The following PHACTR3 variants were observed in gnomAD, a reference collection of about 807,000 sequenced individuals.
PHACTR3 encodes phosphatase and actin regulator 3.
PHACTR3 carries 16 observed loss-of-function variants against 66.8 expected under a neutral mutation model. That is an observed-to-expected ratio of 0.24 (90% CI 0.16 to 0.36). The LOEUF is 0.36. Among genes scored for constraint, PHACTR3 ranks in the 10% least tolerant of loss-of-function variants. PHACTR3 has a pLI of 1.00. For synonymous variants in PHACTR3, 323 were observed against 292.1 expected, an observed-to-expected ratio of 1.11 and a Z score of -1.08; for missense variants, 647 against 719.9, an observed-to-expected ratio of 0.90 and a Z score of 1.16.
chr20:59,744,592 C>T (rs942509188), intron 2 of PHACTR3, among the ~76,000 whole-genome samples: 21 of 152,202 alleles, frequency 1.4e-4, no homozygotes, highest in African/African-American at 4.6e-4. Context: ...GGTGTTACAG[C>T]GCCCAGGCCC....
Position 59,806,654 on chromosome 20 carries a change from A to AC in PHACTR3, c.1328+467dup, listed in dbSNP as rs556904948. 1.1e-4 allele frequency among the ~76,000 whole-genome samples: 17 copies of AC among 151,658 alleles called. No individual in the cohort carries two copies. In the East Asian group the frequency reaches 1.2e-3, roughly 10 times the overall value. On this transcript the variant is annotated intron_variant, in intron 8 of 12. Coordinates refer to ENST00000371015, the MANE Select transcript of PHACTR3 (RefSeq NM_080672.5). ...TCTTCTAAATTTGTCAAGTAAAGCT[A>AC]CCCCCCCACCCACATACACACAGTT...
At chr20:59,773,188 G>A (rs114641057) in intron 5 of PHACTR3, 91 bp from the exon 6 acceptor site, 149 of 1,432,528 alleles carry the variant, frequency 1.0e-4, no homozygotes, top group Non-Finnish European at 1.3e-4. Flanking sequence ...GCAGGGGAGC[G>A]TCCTTTCCGC....
In PHACTR3 at chr20:59,752,433, C is replaced by G. The variant is rs531277282; in HGVS notation, c.359-2749C>G. Among the ~76,000 whole-genome samples the G allele has an allele frequency of 2.6e-5, 4 of 152,290 alleles. No individual in the cohort carries two copies. The East Asian group carries it at 5.8e-4, about 22-fold the overall frequency. ...AGAGGAGCAGGGCCTGGGCTCCCAC[C>G]GCTCCCCCAACCCCTCCCCAACCAG... On this transcript the variant is annotated intron_variant, in intron 3 of 12. Transcript: ENST00000371015.
In PHACTR3 at chr20:59,786,061, G is replaced by A. The variant is rs535991297; in HGVS notation, c.1174+11571G>A. 3.9e-5 allele frequency among the ~76,000 whole-genome samples: 6 copies of A among 152,368 alleles called. No individual in the cohort carries two copies. In the South Asian group the frequency reaches 1.2e-3, roughly 32 times the overall value. On this transcript the variant is annotated intron_variant, in intron 7 of 12. Transcript: ENST00000371015. ...GGTCAGAATATCCTTCCCCTGTGAT[G>A]CTCAAACTTCTGAGTCAGTTCGGTG...
intron 8 of PHACTR3, among the ~76,000 whole-genome samples, chr20:59,821,849 A>T (rs969727198): frequency 6.8e-6 from 1 of 146,168 alleles, no homozygotes; most frequent in Non-Finnish European, 1.5e-5. Flanking sequence ...ACCCTCCCAC[A>T]CTGGGCCAGG....
chr20:59,747,003 C>T (rs2039396299), intron 2 of PHACTR3, among the ~76,000 whole-genome samples: 1 of 152,178 alleles, frequency 6.6e-6, no homozygotes, highest in African/African-American at 2.4e-5. Context: ...TGGGGCTCAC[C>T]TGTAGGCAAA....
At chr20:59,619,685 T>G (rs2034166208) in intron 1 of PHACTR3, among the ~76,000 whole-genome samples, 2 of 152,228 alleles carry the variant, frequency 1.3e-5, no homozygotes, top group Admixed American at 1.3e-4. Flanking sequence ...GGGTGTTATT[T>G]GAAGCCAGTA....
intron 1 of PHACTR3, among the ~76,000 whole-genome samples, chr20:59,729,125 T>A (rs1013541522): frequency 6.6e-6 from 1 of 151,824 alleles, no homozygotes; most frequent in African/African-American, 2.4e-5. Flanking sequence ...CTAACTCCTG[T>A]GGAAGCCACT....
At chr20:59,704,569 T>C in intron 1 of PHACTR3, among the ~76,000 whole-genome samples, 1 of 149,694 alleles carries the variant, frequency 6.7e-6, no homozygotes, top group East Asian at 1.9e-4. Flanking sequence ...AGTCTTTTTT[T>C]TTTTTTTTTT....
rs114553548 is a variant in PHACTR3, at chr20:59,744,584, T to A, written c.280+1316T>A. 6.2e-3 allele frequency among the ~76,000 whole-genome samples: 942 copies of A among 152,276 alleles called. 8 individuals carry two copies. Among genetic ancestry groups the A allele is most frequent in the African/African-American group, 0.021 (893 of 41,556 alleles). On this transcript the variant is annotated intron_variant, in intron 2 of 12. Coordinates refer to ENST00000371015, the MANE Select transcript of PHACTR3 (RefSeq NM_080672.5). ...GAGGATGGTGGAGACGAAGGCCAGG[T>A]GTTACAGCGCCCAGGCCCACAGCAG...
intron 5 of PHACTR3, 84 bp from the exon 6 acceptor site, chr20:59,773,195 C>A: frequency 1.4e-6 from 2 of 1,460,928 alleles, no homozygotes; most frequent in Admixed American, 2.0e-5. Flanking sequence ...AGCGTCCTTT[C>A]CGCTCATGGT....
chr20:59,831,168 C>CT (rs1306608490), intron 8 of PHACTR3, among the ~76,000 whole-genome samples: 1 of 152,274 alleles, frequency 6.6e-6, no homozygotes, highest in Non-Finnish European at 1.5e-5. Flanking sequence ...TTGGCTGGTG[C>CT]CCCCTTGGCC....
rs958164677 is a variant in PHACTR3, at chr20:59,719,724, C to T, written c.119-23383C>T. On this transcript the variant is annotated intron_variant, in intron 1 of 12. Coordinates refer to ENST00000371015, the MANE Select transcript of PHACTR3 (RefSeq NM_080672.5). Reference sequence around the variant, plus strand: ...TTTGAAAGATTCAGGGGAATTAGTTCGGCTTCCCAAACTAGTTGGTTTTAG... The same window carrying T: ...TTTGAAAGATTCAGGGGAATTAGTTTGGCTTCCCAAACTAGTTGGTTTTAG... Among the ~76,000 whole-genome samples the T allele has an allele frequency of 3.9e-5, 6 of 152,148 alleles. No homozygotes were observed. The East Asian group carries it at 5.8e-4, about 15-fold the overall frequency.
chr20:59,755,263 T>A lies in PHACTR3; in HGVS notation c.440T>A (p.Leu147Gln). 6.2e-7 allele frequency: 1 copy of A among 1,613,912 alleles called. No individual in the cohort carries two copies. The highest frequency in any genetic ancestry group is 8.5e-7 in the Non-Finnish European group (1 of 1,180,032). The change falls in exon 4 of 13, where the codon CTG (leucine) becomes CAG (glutamine). Residue 147 changes from leucine to glutamine, a missense_variant. Leu to Gln is a moderately radical substitution (Grantham distance 113, BLOSUM62 -2). This residue lies in a region of PHACTR3 where 577 missense variants were observed against 571.1 expected (regional missense o/e 1.01). Coordinates refer to ENST00000371015, the MANE Select transcript of PHACTR3 (RefSeq NM_080672.5). Reference sequence around the variant, plus strand: ...CCACCCACTCCCAAGTCGGAGACGCTGACTTCAGAAGATGCCCAGCCCGGA... The same window carrying A: ...CCACCCACTCCCAAGTCGGAGACGCAGACTTCAGAAGATGCCCAGCCCGGA... ...SEPPTPKSET[L>Q]TSEDAQPGSP...
At chr20:59,635,201 T>C (rs10153966) in intron 1 of PHACTR3, among the ~76,000 whole-genome samples, 835 of 28,218 alleles carry the variant, frequency 0.03, 79 homozygotes, top group East Asian at 0.056. Context: ...TTTCTCTTTC[T>C]TTCTTTCCTT....
At chr20:59,801,026 A>C (rs2059043452) in intron 7 of PHACTR3, among the ~76,000 whole-genome samples, 1 of 152,148 alleles carries the variant, frequency 6.6e-6, no homozygotes, top group African/African-American at 2.4e-5. Flanking sequence ...CTATCTCATC[A>C]TTTCAGAGGA....
chr20:59,723,534 G>T (rs1230171493), intron 1 of PHACTR3, among the ~76,000 whole-genome samples: 1 of 152,098 alleles, frequency 6.6e-6, no homozygotes, highest in African/African-American at 2.4e-5. Context: ...TTCCCACTTT[G>T]TGTCTATTAT....
intron 1 of PHACTR3, among the ~76,000 whole-genome samples, chr20:59,739,860 G>T (rs6128675): frequency 6.6e-6 from 1 of 151,944 alleles, no homozygotes; most frequent in East Asian, 1.9e-4. Context: ...GGGTCCCCTC[G>T]ATGCAGCTTT....
intron 1 of PHACTR3, among the ~76,000 whole-genome samples, chr20:59,692,675 G>T (rs1332837918): frequency 6.6e-6 from 1 of 152,212 alleles, no homozygotes; most frequent in African/African-American, 2.4e-5. Flanking sequence ...CAAAAGGCCT[G>T]GTTCCCTGCT....
Sources: gnomAD v4.1 joint callset for allele counts (sites outside exome capture counted in the v4.1 genomes callset) on GRCh38, gnomAD v4.1.1 for gene constraint, gnomAD v4.1.1 regional missense constraint, MANE v1.5 for transcripts, NCBI Gene and HGNC (gene_info 2026-07-23, HGNC 2026-07-21) for gene names.